IRAG2: variants seen among roughly 807,000 people sequenced by gnomAD.
The protein encoded by IRAG2 is lymphoid restricted membrane protein.
In IRAG2, 45 loss-of-function variants were observed where a neutral mutation model predicts 69.9. The observed-to-expected ratio is 0.64, with a 90% CI of 0.51 to 0.83. The LOEUF (loss-of-function observed/expected upper bound fraction) is 0.83, where lower values mean the gene tolerates loss of function less well. IRAG2 is among the 40% of genes least tolerant of loss of function. The pLI is 0.00. For missense variants in IRAG2, 520 were observed against 587.0 expected (o/e 0.89, Z 1.18); for synonymous variants, 193 against 202.4 (o/e 0.95, Z 0.40).
chr12:25,100,702 C>G (rs571902329), intron 15 of IRAG2, among the ~76,000 whole-genome samples: 2 of 152,278 alleles, frequency 1.3e-5, no homozygotes, highest in Admixed American at 1.3e-4. Flanking sequence ...TCTGTTCTTT[C>G]CCAATCCACA....
chr12:25,071,571 G>A (rs1342942288), intron 6 of IRAG2, among the ~76,000 whole-genome samples: 1 of 152,146 alleles, frequency 6.6e-6, no homozygotes, highest in African/African-American at 2.4e-5. Flanking sequence ...CACATGCCAT[G>A]TGATTAATCT....
upstream of IRAG2, among the ~76,000 whole-genome samples, chr12:25,002,058 G>A (rs895511281): frequency 1.4e-4 from 21 of 152,036 alleles, no homozygotes; most frequent in African/African-American, 4.1e-4. Context: ...CATCGTGCCC[G>A]GCCTTAACTA....
chr12:25,035,560 G>T, intron 13 of IRAG2: 1 of 397,420 alleles, frequency 2.5e-6, no homozygotes, highest in South Asian at 1.4e-4. Context: ...CAAGGACAAT[G>T]ACATTAACTC....
chr12:25,027,278 G>A (rs1340886295), intron 9 of IRAG2, among the ~76,000 whole-genome samples: 1 of 151,936 alleles, frequency 6.6e-6, no homozygotes, highest in Non-Finnish European at 1.5e-5. Flanking sequence ...GTCTATTCTG[G>A]ACATTTCATA....
chr12:25,055,261 C>T (rs1945160828), intron 1 of IRAG2, among the ~76,000 whole-genome samples: 1 of 152,208 alleles, frequency 6.6e-6, no homozygotes. Flanking sequence ...TTCAAGTTTT[C>T]AATTGCCTTC....
intron 9 of IRAG2, among the ~76,000 whole-genome samples, chr12:25,083,051 T>C (rs1947331874): frequency 6.6e-6 from 1 of 152,172 alleles, no homozygotes; most frequent in Non-Finnish European, 1.5e-5. Flanking sequence ...GAAAGAAAAT[T>C]TGTTAAGCTA....
chr12:25,100,027 G>T (rs941949411), intron 15 of IRAG2, among the ~76,000 whole-genome samples: 9 of 37,648 alleles, frequency 2.4e-4, no homozygotes, highest in African/African-American at 1.1e-3. Context: ...AAAAAAAAAT[G>T]GGCAAAAGAC....
intron 14 of IRAG2, among the ~76,000 whole-genome samples, chr12:25,036,166 A>G (rs938632810): frequency 1.3e-5 from 2 of 152,172 alleles, no homozygotes; most frequent in African/African-American, 4.8e-5. Context: ...ATGATTGGAG[A>G]AATCAGAGAA....
chr12:25,074,786 G>A (rs1316998500), intron 6 of IRAG2, among the ~76,000 whole-genome samples: 2 of 152,186 alleles, frequency 1.3e-5, no homozygotes, highest in Admixed American at 6.5e-5. Context: ...AATATTAAGT[G>A]TCTTGTCTCT....
intron 6 of IRAG2, among the ~76,000 whole-genome samples, chr12:25,078,247 G>A (rs1440048731): frequency 6.6e-6 from 1 of 152,190 alleles, no homozygotes; most frequent in African/African-American, 2.4e-5. Context: ...ACATATATAA[G>A]CTACTATCAT....
At chr12:25,018,193 CTTTTTTTT>C (rs56659655) in intron 6 of IRAG2, among the ~76,000 whole-genome samples, 2 of 105,524 alleles carry the variant, frequency 1.9e-5, no homozygotes, top group Admixed American at 1.2e-4. Context: ...TTTCTTTCTT[CTTTTTTTT>C]TTTTTTTTTT....
chr12:25,015,088 G>GA, intron 3 of IRAG2: 8,480 of 50,574 alleles, frequency 0.17, 1,214 homozygotes, highest in South Asian at 0.34. Context: ...GCATAAATCT[G>GA]AAAAAAAAAA....
At chr12:25,099,079 C>T (rs1225932580) in intron 15 of IRAG2, among the ~76,000 whole-genome samples, 1 of 152,142 alleles carries the variant, frequency 6.6e-6, no homozygotes. Flanking sequence ...TCCACTCGTG[C>T]ACATCTGATC....
At chr12:24,998,167 C>G in the IRAG2 span, among the ~76,000 whole-genome samples, 1 of 152,312 alleles carries the variant, frequency 6.6e-6, no homozygotes, top group East Asian at 1.9e-4. Context: ...TTTTCAGAAG[C>G]ATGTGTCACT....
Position 25,107,866 on chromosome 12 carries a change from A to G in IRAG2, c.1306A>G (p.Lys436Glu), listed in dbSNP as rs932149898. ...WATNLKSSIRKANKALWLSIA... is the reference protein window; with the variant it reads ...WATNLKSSIREANKALWLSIA... ...AACAAATCTCAAGTCCTCCATCAGA[A>G]AGGCTAATAAGGCCCTCTGGCTCTC... Residue 436 changes from lysine to glutamate, a missense_variant, in exon 22 of 22, where the codon AAG becomes GAG. Transcript: ENST00000556887. 1.2e-6 allele frequency: 2 copies of G among 1,614,074 alleles called. No individual in the cohort carries two copies. The highest frequency in any genetic ancestry group is 1.7e-5 in the Admixed American group (1 of 60,026).
intron 8 of IRAG2, among the ~76,000 whole-genome samples, chr12:25,026,176 G>C (rs796939575): frequency 6.5e-4 from 99 of 152,270 alleles, no homozygotes; most frequent in African/African-American, 2.3e-3. Flanking sequence ...GCCACCCCCT[G>C]ATTTAGGTAA....
At chr12:25,099,109 C>T (rs143154815) in intron 15 of IRAG2, among the ~76,000 whole-genome samples, 6 of 152,256 alleles carry the variant, frequency 3.9e-5, no homozygotes, top group African/African-American at 1.4e-4. Context: ...ACGCAATCCC[C>T]CTGTGATCCC....
At chr12:25,044,329 CAAAG>C (rs1944774336) in intron 16 of IRAG2, among the ~76,000 whole-genome samples, 1 of 151,462 alleles carries the variant, frequency 6.6e-6, no homozygotes, top group Non-Finnish European at 1.5e-5. Flanking sequence ...CAACAAAACT[CAAAG>C]GAAGGCAAGC....
At position 25,011,639 on chromosome 12, in the gene IRAG2, G is replaced by A. The variant is rs891897488; in HGVS notation, c.896+88G>A. 5 of 880,764 alleles carry A rather than the reference G, an allele frequency of 5.7e-6. No homozygotes were observed. In the Admixed American group the frequency reaches 1.3e-4, roughly 23 times the overall value. 54.6% of individuals were successfully genotyped at this position (880,764 alleles called of 1,614,324 possible). ...CTAATCACTGTTTCCTGTGTTGATGGAAATACTATTGTCCAGTGCTTTAGC... is the reference window on the plus strand; with the variant it reads ...CTAATCACTGTTTCCTGTGTTGATGAAAATACTATTGTCCAGTGCTTTAGC... On this transcript the variant is annotated intron_variant, in intron 3 of 38. Coordinates refer to the IRAG2 transcript ENST00000636465.
Sources: gnomAD v4.1 joint callset for allele counts (sites outside exome capture counted in the v4.1 genomes callset) on GRCh38, gnomAD v4.1.1 for gene constraint, MANE v1.5 for transcripts, NCBI Gene and HGNC (gene_info 2026-07-23, HGNC 2026-07-21) for gene names.